Variants in SNRNP70 observed in about 807,000 individuals in gnomAD.
SNRNP70 encodes U1 small nuclear ribonucleoprotein 70 kDa.
In SNRNP70, 8 loss-of-function variants were observed where a neutral mutation model predicts 50.5. The ratio of observed to expected loss-of-function variants is 0.16; its 90% CI spans 0.09 to 0.29. SNRNP70 has a LOEUF of 0.29. SNRNP70 is among the 10% of genes least tolerant of loss of function. The pLI is 1.00. For synonymous variants in SNRNP70, 320 were observed against 252.9 expected (o/e 1.27, Z -2.52); for missense variants, 529 against 663.5 (o/e 0.80, Z 2.23).
At chr19:49,098,579 A>T (rs1450134895) in intron 5 of SNRNP70, 63 bp from the exon 6 acceptor site, 2 of 1,592,098 alleles carry the variant, frequency 1.3e-6, no homozygotes, top group Admixed American at 1.7e-5. Context: ...GTACAGGGGA[A>T]TGTTCCAGGG....
At chr19:49,089,111 G>A (rs2040417518) in intron 2 of SNRNP70, among the ~76,000 whole-genome samples, 1 of 152,210 alleles carries the variant, frequency 6.6e-6, no homozygotes, top group Non-Finnish European at 1.5e-5. Flanking sequence ...TGTCTTTGGT[G>A]AAGGACAGAT....
chr19:49,105,509 A>G (rs1208944293), intron 8 of SNRNP70, among the ~76,000 whole-genome samples: 1 of 151,938 alleles, frequency 6.6e-6, no homozygotes, highest in Non-Finnish European at 1.5e-5. Context: ...CGGGTGGATC[A>G]TGAGGTCAGG....
At chr19:49,106,175 T>C (rs1259295498) in intron 8 of SNRNP70, among the ~76,000 whole-genome samples, 1 of 152,184 alleles carries the variant, frequency 6.6e-6, no homozygotes, top group Admixed American at 6.5e-5. Flanking sequence ...GTTCTTACCT[T>C]ACTCTGGTCT....
chr19:49,085,648 T>G lies in SNRNP70; in HGVS notation c.-11+12T>G, dbSNP rs1014518267. The G allele has an allele frequency of 2.2e-6, 1 of 455,958 alleles. No individual in the cohort carries two copies. Among genetic ancestry groups the G allele is most frequent in the Admixed American group, 2.3e-5 (1 of 42,564 alleles). The allele number at this position is 455,958 out of a possible 1,614,324, so 28.2% of individuals were successfully genotyped here. ...GAGGGCGCTACGCGGTGAGTGAGTG[T>G]GACTGAGTGGCCCGACGGGGTGCGG... On this transcript the variant is annotated intron_variant, in intron 1 of 9. Coordinates refer to ENST00000598441, the MANE Select transcript of SNRNP70 (RefSeq NM_003089.6).
At chr19:49,089,914 C>T (rs1032331286) in intron 2 of SNRNP70, among the ~76,000 whole-genome samples, 32 of 152,090 alleles carry the variant, frequency 2.1e-4, no homozygotes, top group Admixed American at 1.8e-3. Context: ...CCGCCTGCCT[C>T]GGCCTCCCAA....
intron 2 of SNRNP70, among the ~76,000 whole-genome samples, chr19:49,089,152 T>TA (rs1346106615): frequency 6.6e-6 from 1 of 152,168 alleles, no homozygotes; most frequent in African/African-American, 2.4e-5. Context: ...TTTTGATAAA[T>TA]ATGATAGAAT....
chr19:49,087,454 C>A (rs2040396588), intron 2 of SNRNP70, among the ~76,000 whole-genome samples: 1 of 152,180 alleles, frequency 6.6e-6, no homozygotes, highest in Non-Finnish European at 1.5e-5. Context: ...CTTTGTTACT[C>A]TGTTTACTAC....
intron 6 of SNRNP70, 49 bp from the exon 7 acceptor site, chr19:49,101,341 C>G: frequency 6.8e-7 from 1 of 1,465,608 alleles, no homozygotes; most frequent in Non-Finnish European, 9.6e-7. Context: ...GTTGGTGGGG[C>G]GGAGCCGCCC....
chr19:49,103,285 C>CTAAG (rs1474992638), intron 7 of SNRNP70: 1 of 152,508 alleles, frequency 6.6e-6, no homozygotes, highest in Non-Finnish European at 1.5e-5. Context: ...CTCCCCCACT[C>CTAAG]TAAGGCCTCC....
intron 6 of SNRNP70, 93 bp from the exon 7 acceptor site, chr19:49,101,296 TC>T: frequency 2.3e-6 from 2 of 888,046 alleles, no homozygotes; most frequent in East Asian, 5.0e-5. Context: ...TGAGGCCTCA[TC>T]CGGCCCAGGG....
intron 2 of SNRNP70, among the ~76,000 whole-genome samples, chr19:49,089,686 G>A (rs1235997440): frequency 8.1e-5 from 9 of 110,478 alleles, no homozygotes; most frequent in African/African-American, 1.9e-4. Context: ...TTTTTGAGAC[G>A]GAATCTTGCT....
Position 49,108,025 on chromosome 19 carries a change from C to G in SNRNP70, c.896C>G (p.Ala299Gly). 6.5e-7 allele frequency: 1 copy of G among 1,547,716 alleles called. No individual in the cohort carries two copies. The highest frequency in any genetic ancestry group is 8.7e-7 in the Non-Finnish European group (1 of 1,146,348). ...CGAAGCAGCCGGAGTCGGGAGCGGG[C>G]CCGGCGGGAGCGGGAGCGCAAGGAG... Reference protein sequence around the residue: ...KRRSSRSRERARRERERKEEL... With the variant: ...KRRSSRSRERGRRERERKEEL... Residue 299 changes from alanine (A) to glycine (G), a missense_variant, in exon 10 of 10, where the codon GCC (alanine) becomes GGC (glycine). By Grantham distance (60) the Ala-to-Gly change is moderately conservative (BLOSUM62 0). Transcript: ENST00000598441.
rs528127123 is a variant in SNRNP70 at position 49,092,971 on chromosome 19, C to T, written c.265+2451C>T. ...TGCTGTGTTGCCCAGGCTTTACTGC[C>T]GTGGTGCAGTCATAGCTCACTGCAA... On this transcript the variant is annotated intron_variant, in intron 4 of 9. Coordinates refer to ENST00000598441, the MANE Select transcript of SNRNP70 (RefSeq NM_003089.6). Among the ~76,000 whole-genome samples, 14 of 150,990 alleles carry T rather than the reference C, an allele frequency of 9.3e-5. No individual in the cohort carries two copies. In the South Asian group the frequency reaches 2.3e-3, roughly 25 times the overall value.
intron 4 of SNRNP70, among the ~76,000 whole-genome samples, chr19:49,091,815 G>A (rs1326938914): frequency 6.6e-6 from 1 of 152,196 alleles, no homozygotes; most frequent in Non-Finnish European, 1.5e-5. Context: ...CTCAGACTCA[G>A]TGTCCAAACC....
intron 1 of SNRNP70, 48 bp from the exon 2 acceptor site, chr19:49,086,357 T>G (rs1179767706): frequency 6.5e-7 from 1 of 1,544,570 alleles, no homozygotes; most frequent in Admixed American, 2.1e-5. Flanking sequence ...AGGGGCTTTC[T>G]CTGTGCAGAC....
intron 4 of SNRNP70, among the ~76,000 whole-genome samples, chr19:49,096,262 T>TGCC (rs1226884234): frequency 8.6e-5 from 13 of 151,464 alleles, no homozygotes; most frequent in African/African-American, 2.2e-4. Flanking sequence ...TCGCCATGTT[T>TGCC]GCCAGGCTGG....
chr19:49,086,089 C>T (rs1040399532), intron 1 of SNRNP70, among the ~76,000 whole-genome samples: 1 of 152,334 alleles, frequency 6.6e-6, no homozygotes, highest in African/African-American at 2.4e-5. Context: ...GGGCCTCCCT[C>T]CTCGGGTCCT....
At chr19:49,105,873 G>C (rs1334061673) in intron 8 of SNRNP70, among the ~76,000 whole-genome samples, 1 of 152,224 alleles carries the variant, frequency 6.6e-6, no homozygotes, top group Non-Finnish European at 1.5e-5. Context: ...CAGGCCACAG[G>C]CCCCAGCTTT....
intron 4 of SNRNP70, among the ~76,000 whole-genome samples, chr19:49,097,654 A>C (rs951787616): frequency 1.1e-4 from 16 of 152,232 alleles, no homozygotes; most frequent in African/African-American, 3.1e-4. Context: ...AGTCAGGGTC[A>C]TTATGTGCTG....
Sources: gnomAD v4.1 joint callset for allele counts (sites outside exome capture counted in the v4.1 genomes callset) on GRCh38, gnomAD v4.1.1 for gene constraint, MANE v1.5 for transcripts, NCBI Gene and HGNC (gene_info 2026-07-23, HGNC 2026-07-21) for gene names.